PARP1: variants seen among roughly 807,000 people sequenced by gnomAD.
PARP1 encodes poly [ADP-ribose] polymerase 1.
A neutral mutation model predicts 118.7 loss-of-function variants in PARP1; 44 were observed. That is an observed-to-expected ratio of 0.37 (90% CI 0.29 to 0.48). The LOEUF (loss-of-function observed/expected upper bound fraction) is 0.48, where lower values mean the gene tolerates loss of function less well. PARP1 is among the 20% of genes least tolerant of loss of function. PARP1 has a pLI of 0.99. For synonymous variants in PARP1, 492 were observed against 483.2 expected (o/e 1.02, Z -0.24); for missense variants, 1,100 against 1,272.4 (o/e 0.86, Z 2.06).
chr1:226,382,919 G>C (rs1664645855), intron 8 of PARP1, 117 bp downstream of exon 8: 1 of 1,168,374 alleles, frequency 8.6e-7, no homozygotes, highest in African/African-American at 1.5e-5. Context: ...CCCATGGTGG[G>C]GTCAGCAAAG....
chr1:226,378,058 G>A (rs937073696), intron 12 of PARP1, among the ~76,000 whole-genome samples: 7 of 152,018 alleles, frequency 4.6e-5, no homozygotes, highest in Admixed American at 1.3e-4. Flanking sequence ...TTCTCTGCTT[G>A]GTTTTTCCTG....
rs1217292148 is a variant in PARP1, at chr1:226,361,010, A to G, written c.*450T>C. On this transcript the variant is annotated 3_prime_UTR_variant, in exon 23 of 23. Coordinates refer to ENST00000366794, the MANE Select transcript of PARP1 (RefSeq NM_001618.4). ...TAAAAAAGAAAATCTAAATAGTATG[A>G]AATTAGTTTTTATTTTTAACTAAAA... 1 of 236,368 alleles carries G rather than the reference A, an allele frequency of 4.2e-6. No homozygotes were observed. Among genetic ancestry groups the G allele is most frequent in the Non-Finnish European group, 8.4e-6 (1 of 119,012 alleles). The allele number at this position is 236,368 out of a possible 1,614,324, so 14.6% of individuals were successfully genotyped here. A position where few individuals can be genotyped will look rare whatever the true frequency, so the allele number is the denominator to read the frequency against.
At chr1:226,401,293 G>C (rs1665031071) in intron 2 of PARP1, among the ~76,000 whole-genome samples, 1 of 152,242 alleles carries the variant, frequency 6.6e-6, no homozygotes, top group African/African-American at 2.4e-5. Flanking sequence ...GAAGAAAGCA[G>C]CTTTATTGAG....
rs1468947193 is a variant in PARP1, at chr1:226,361,435, G to A, written c.*25C>T. 1.3e-6 allele frequency: 2 copies of A among 1,515,242 alleles called. No homozygotes were observed. The highest frequency in any genetic ancestry group is 1.7e-5 in the Admixed American group (1 of 59,862). The allele number at this position is 1,515,242 out of a possible 1,614,324, so 93.9% of individuals were successfully genotyped here. ...GGGTGAATTCATACCAGAGCCACCG[G>A]GTGTGACTCGGCTACCTCTCCCAAT... On this transcript the variant is annotated 3_prime_UTR_variant, in exon 23 of 23. Coordinates refer to ENST00000366794, the MANE Select transcript of PARP1 (RefSeq NM_001618.4).
intron 15 of PARP1, among the ~76,000 whole-genome samples, chr1:226,369,232 C>T (rs536549438): frequency 5.3e-5 from 8 of 152,296 alleles, no homozygotes; most frequent in Non-Finnish European, 8.8e-5. Context: ...TTGACAGATC[C>T]GGTTCAGCGC....
chr1:226,370,400 G>C lies in PARP1; in HGVS notation c.2154+34C>G, dbSNP rs201047974. On this transcript the variant is annotated intron_variant, in intron 15 of 22. Transcript: ENST00000366794. Reference sequence around the variant, plus strand: ...TCACCCCCTAAGTCGGCCAGAGGAGGGTTCCAGGAGGCCCCTGGTAGCCCT... The same window carrying C: ...TCACCCCCTAAGTCGGCCAGAGGAGCGTTCCAGGAGGCCCCTGGTAGCCCT... 63 of 1,531,992 alleles carry C rather than the reference G, an allele frequency of 4.1e-5. No homozygotes were observed. The Middle Eastern group carries it at 5.1e-4, about 12-fold the overall frequency. 94.9% of individuals were successfully genotyped at this position (1,531,992 alleles called of 1,614,324 possible).
Position 226,385,663 on chromosome 1 carries a change from A to G in PARP1, c.852T>C (p.Ala284=), listed in dbSNP as rs1805414. Residue 284 remains alanine, a synonymous_variant, in exon 7 of 23, where the codon GCT becomes GCC. Transcript: ENST00000366794. ...GGAGGGCACCGAACACCATGCCATC[A>G]GCTACTCGGTCCAAGATCTGCAGCC... ...SGESAILDRV[A]DGMVFGALLP... is the part of the protein sequence containing the mutation. 588,242 of 1,612,866 alleles carry G rather than the reference A, an allele frequency of 0.36. 115,585 individuals are homozygous for G. The highest frequency in any genetic ancestry group is 0.79 in the East Asian group (35,661 of 44,866).
At chr1:226,393,276 T>C (rs192207981) in intron 2 of PARP1, among the ~76,000 whole-genome samples, 28 of 152,226 alleles carry the variant, frequency 1.8e-4, no homozygotes, top group African/African-American at 6.3e-4. Context: ...TAACAAAAGA[T>C]GTGCAAGATC....
chr1:226,376,799 G>A (rs1465168139), intron 13 of PARP1, among the ~76,000 whole-genome samples: 1 of 152,164 alleles, frequency 6.6e-6, no homozygotes, highest in Non-Finnish European at 1.5e-5. Context: ...CTATGCTGCT[G>A]GATTCGGTTT....
At chr1:226,388,152 T>C (rs1266262605) in intron 5 of PARP1, among the ~76,000 whole-genome samples, 1 of 152,252 alleles carries the variant, frequency 6.6e-6, no homozygotes, top group Non-Finnish European at 1.5e-5. Flanking sequence ...GGACCACTGA[T>C]TTAATGGATA....
At chr1:226,386,041 C>A (rs1054148427) in intron 6 of PARP1, among the ~76,000 whole-genome samples, 1 of 152,216 alleles carries the variant, frequency 6.6e-6, no homozygotes, top group Non-Finnish European at 1.5e-5. Context: ...CATGCCACCC[C>A]TCAGGAGGGG....
rs367870123 is a variant in PARP1 at position 226,383,109 on chromosome 1, G to C, written c.1086C>G (p.Ser362Arg). 6.2e-7 allele frequency: 1 copy of C among 1,612,856 alleles called. No homozygotes were observed. Among genetic ancestry groups the C allele is most frequent in the African/African-American group, 1.3e-5 (1 of 74,910 alleles). Residue 362 changes from serine (S) to arginine (R), a missense_variant, in exon 8 of 23, where the codon AGC (serine) becomes AGG (arginine). Transcript: ENST00000366794. Reference sequence around the variant, plus strand: ...GCGGAGGCGTGGCCGCCACGGAGGCGCTGGTTTCTGGGGGGAATATACGGT... The same window carrying C: ...GCGGAGGCGTGGCCGCCACGGAGGCCCTGGTTTCTGGGGGGAATATACGGT... ...KQDRIFPPET[S>R]ASVAATPPPS...
chr1:226,381,801 G>A (rs1353515805), intron 8 of PARP1, among the ~76,000 whole-genome samples: 3 of 152,234 alleles, frequency 2.0e-5, no homozygotes, highest in Non-Finnish European at 4.4e-5. Flanking sequence ...AAACAACACA[G>A]TGCAGGTGAC....
intron 4 of PARP1, 145 bp from the exon 5 acceptor site, chr1:226,388,900 ACTCAGTGCC>A: frequency 1.4e-6 from 1 of 729,922 alleles, no homozygotes; most frequent in Non-Finnish European, 2.5e-6. Flanking sequence ...CCCCTGCCCC[ACTCAGTGCC>A]CTTAGGCGAT....
Position 226,392,184 on chromosome 1 carries a change from C to G in PARP1, c.402+15G>C. 1 of 1,497,732 alleles carries G rather than the reference C, an allele frequency of 6.7e-7. No homozygotes were observed. The highest frequency in any genetic ancestry group is 9.3e-7 in the Non-Finnish European group (1 of 1,073,546). The allele number at this position is 1,497,732 out of a possible 1,614,324, so 92.8% of individuals were successfully genotyped here. A position where few individuals can be genotyped will look rare whatever the true frequency, so the allele number is the denominator to read the frequency against. ...AATCCATAAAGTTCAGGGATCTGGG[C>G]CCCCAAGATCTTACCTTTTCTATCT... On this transcript the variant is annotated intron_variant, in intron 3 of 22. Coordinates refer to ENST00000366794, the MANE Select transcript of PARP1 (RefSeq NM_001618.4).
intron 14 of PARP1, among the ~76,000 whole-genome samples, chr1:226,371,686 C>T (rs1390011701): frequency 2.6e-5 from 4 of 152,256 alleles, no homozygotes; most frequent in African/African-American, 9.6e-5. Context: ...GACCCTCAAT[C>T]AGCTCTGAAA....
At chr1:226,403,395 G>T (rs1396204369) in intron 1 of PARP1, among the ~76,000 whole-genome samples, 3 of 152,232 alleles carry the variant, frequency 2.0e-5, no homozygotes, top group African/African-American at 7.2e-5. Context: ...GGCCAGGCTG[G>T]TCTCGAACTT....
Position 226,379,955 on chromosome 1 carries a change from A to G in PARP1, c.1510T>C (p.Ser504Pro), listed in dbSNP as rs916116737. ...TTGACCTGGCCCTTGCTTTTTTTGG[A>G]GAGCGCAGCCCCTGACTTCCCTCTT... Reference protein sequence around the residue: ...APRGKSGAALSKKSKGQVKEE... With the variant: ...APRGKSGAALPKKSKGQVKEE... The change falls in exon 10 of 23, where the codon TCC becomes CCC. Residue 504 changes from serine (S) to proline (P), a missense_variant. This residue lies in a region of PARP1 where 948 missense variants were observed against 1,031.8 expected (regional missense o/e 0.92). Transcript: ENST00000366794. The G allele has an allele frequency of 6.2e-7, 1 of 1,613,882 alleles. No individual in the cohort carries two copies. Among genetic ancestry groups the G allele is most frequent in the Non-Finnish European group, 8.5e-7 (1 of 1,180,016 alleles).
At chr1:226,407,728 G>GGGCCCCCCCCCCCC in intron 1 of PARP1, 82 bp downstream of exon 1, 1 of 1,289,834 alleles carries the variant, frequency 7.8e-7, no homozygotes, top group Non-Finnish European at 1.0e-6. Context: ...CGCTCCCTGG[G>GGGCCCCCCCCCCCC]CCCGCCCTCC....
Sources: gnomAD v4.1 joint callset for allele counts (sites outside exome capture counted in the v4.1 genomes callset) on GRCh38, gnomAD v4.1.1 for gene constraint, gnomAD v4.1.1 regional missense constraint, MANE v1.5 for transcripts, NCBI Gene and HGNC (gene_info 2026-07-23, HGNC 2026-07-21) for gene names.